BRINP1: variants seen among roughly 807,000 people sequenced by gnomAD.
BRINP1 encodes BMP/retinoic acid inducible neural specific 1.
BRINP1 carries 17 observed loss-of-function variants against 72.9 expected under a neutral mutation model. The ratio of observed to expected loss-of-function variants is 0.23; its 90% confidence interval spans 0.16 to 0.35. The LOEUF is 0.35. BRINP1 is among the 10% of genes least tolerant of loss of function. The pLI is 1.00. For missense variants in BRINP1, 850 were observed against 1,001.6 expected (o/e 0.85, Z 2.04); for synonymous variants, 418 against 378.5 (o/e 1.10, Z -1.21).
chr9:119,238,491 C>T lies in BRINP1; in HGVS notation c.685+164G>A, dbSNP rs923367320. On this transcript the variant is annotated intron_variant, in intron 5 of 7. Transcript: ENST00000265922. ...AAAATTCTAAATATATATGTATACA[C>T]GGTATCATAACTGTCTAATTTCCAT... Among the ~76,000 whole-genome samples the T allele has an allele frequency of 8.5e-5, 13 of 152,230 alleles. No individual in the cohort carries two copies. In the East Asian group the frequency reaches 1.2e-3, roughly 14 times the overall value.
intron 5 of BRINP1, among the ~76,000 whole-genome samples, chr9:119,219,587 G>A (rs1830016445): frequency 6.6e-6 from 1 of 151,014 alleles, no homozygotes; most frequent in Admixed American, 6.6e-5. Context: ...CAGCTGTGCT[G>A]TGGATACTAG....
rs576176689 is a variant in BRINP1, at chr9:119,204,839, C to T, written c.1145+3880G>A. Among the ~76,000 whole-genome samples the T allele has an allele frequency of 1.4e-4, 22 of 152,316 alleles. No individual in the cohort carries two copies. The South Asian group carries it at 2.7e-3, about 19-fold the overall frequency. Reference sequence around the variant, plus strand: ...TCTGGTAAGTGATGGAGCCAGGATTCGGACCAGTCCATGTGTGGCTAAGGC... The same window carrying T: ...TCTGGTAAGTGATGGAGCCAGGATTTGGACCAGTCCATGTGTGGCTAAGGC... On this transcript the variant is annotated intron_variant, in intron 7 of 7. Transcript: ENST00000265922.
At chr9:119,168,359 G>T in intron 7 of BRINP1, 135 bp from the exon 8 acceptor site, 1 of 638,844 alleles carries the variant, frequency 1.6e-6, no homozygotes. Flanking sequence ...AATACAGGAA[G>T]GGCATCGAAT....
At chr9:119,268,930 C>T (rs531670180) in intron 2 of BRINP1, among the ~76,000 whole-genome samples, 1 of 152,128 alleles carries the variant, frequency 6.6e-6, no homozygotes, top group Non-Finnish European at 1.5e-5. Flanking sequence ...ATGAAAGGCA[C>T]TAAAATGTAG....
intron 2 of BRINP1, among the ~76,000 whole-genome samples, chr9:119,262,972 G>A (rs536783104): frequency 4.3e-4 from 66 of 152,274 alleles, no homozygotes; most frequent in Middle Eastern, 3.4e-3. Flanking sequence ...ACATTTTGCC[G>A]GAGGAAGTAC....
intron 7 of BRINP1, among the ~76,000 whole-genome samples, chr9:119,173,352 A>G (rs1408447301): frequency 6.8e-6 from 1 of 146,224 alleles, no homozygotes; most frequent in Admixed American, 6.9e-5. Flanking sequence ...ACAAACAGAG[A>G]GCCAAATCAT....
intron 1 of BRINP1, among the ~76,000 whole-genome samples, chr9:119,315,484 T>C (rs1162454560): frequency 6.6e-6 from 1 of 152,164 alleles, no homozygotes; most frequent in Non-Finnish European, 1.5e-5. Context: ...ACTGACTAGC[T>C]ATTCCCTTTC....
intron 2 of BRINP1, among the ~76,000 whole-genome samples, chr9:119,274,884 G>T (rs941138949): frequency 2.6e-5 from 4 of 152,004 alleles, no homozygotes; most frequent in African/African-American, 9.7e-5. Flanking sequence ...ACACATATAT[G>T]ATATATACAA....
Position 119,250,153 on chromosome 9 carries a change from G to A in BRINP1, c.219-1003C>T, listed in dbSNP as rs530342639. ...GGGAGGGAGGGAGGGAAGGAGGGAG[G>A]GAGGGTGAGAAGGAGGATATATAAT... On this transcript the variant is annotated intron_variant, in intron 2 of 7. Transcript: ENST00000265922. Among the ~76,000 whole-genome samples, 29 of 150,648 alleles carry A rather than the reference G, an allele frequency of 1.9e-4. 1 individual carries two copies. The highest frequency in any genetic ancestry group is 1.7e-3 in the South Asian group (8 of 4,722).
chr9:119,187,171 G>C (rs1365988585), intron 7 of BRINP1, among the ~76,000 whole-genome samples: 2 of 151,660 alleles, frequency 1.3e-5, no homozygotes, highest in African/African-American at 4.8e-5. Flanking sequence ...CATGTCACAT[G>C]GGCCACAGTA....
chr9:119,339,137 G>C (rs749636382), intron 1 of BRINP1, among the ~76,000 whole-genome samples: 4 of 152,190 alleles, frequency 2.6e-5, no homozygotes, highest in Non-Finnish European at 4.4e-5. Flanking sequence ...TAAAAATCCA[G>C]GTAGTAAATA....
intron 7 of BRINP1, among the ~76,000 whole-genome samples, chr9:119,197,724 C>T (rs1829754710): frequency 6.6e-6 from 1 of 152,184 alleles, no homozygotes; most frequent in Admixed American, 6.5e-5. Context: ...TCTATTTCCA[C>T]CAAGTAACAA....
At chr9:119,200,232 A>G (rs995319846) in intron 7 of BRINP1, among the ~76,000 whole-genome samples, 4 of 152,206 alleles carry the variant, frequency 2.6e-5, no homozygotes, top group African/African-American at 9.6e-5. Flanking sequence ...ATGTGGTAGG[A>G]AGTTATAAGA....
intron 1 of BRINP1, among the ~76,000 whole-genome samples, chr9:119,352,239 C>T (rs1419885796): frequency 6.6e-6 from 1 of 152,196 alleles, no homozygotes; most frequent in African/African-American, 2.4e-5. Flanking sequence ...ATGATTAACA[C>T]AGTGTTATTA....
At chr9:119,220,635 AC>A (rs1422572013) in intron 5 of BRINP1, among the ~76,000 whole-genome samples, 3 of 152,322 alleles carry the variant, frequency 2.0e-5, no homozygotes, top group Non-Finnish European at 2.9e-5. Flanking sequence ...AAATTCAAGA[AC>A]GGGAAAGAAA....
intron 1 of BRINP1, among the ~76,000 whole-genome samples, chr9:119,317,237 G>A (rs1831134280): frequency 6.6e-6 from 1 of 152,264 alleles, no homozygotes; most frequent in Admixed American, 6.5e-5. Context: ...AAGAACATTT[G>A]TGATTCATGG....
intron 5 of BRINP1, among the ~76,000 whole-genome samples, chr9:119,214,586 A>AT (rs1309282821): frequency 9.1e-6 from 1 of 110,378 alleles, no homozygotes; most frequent in African/African-American, 3.0e-5. Flanking sequence ...GCCTGTAGAG[A>AT]TAAAAAAAAA....
intron 3 of BRINP1, among the ~76,000 whole-genome samples, chr9:119,242,628 A>C (rs1830265292): frequency 1.3e-5 from 2 of 148,914 alleles, no homozygotes; most frequent in African/African-American, 5.0e-5. Context: ...CTTTTCCTCT[A>C]CTCTCCCATC....
At chr9:119,277,466 T>C (rs975209870) in intron 2 of BRINP1, among the ~76,000 whole-genome samples, 3 of 152,114 alleles carry the variant, frequency 2.0e-5, no homozygotes, top group Non-Finnish European at 1.5e-5. Context: ...CCCCTGGAAA[T>C]TGGCAAACAC....
Sources: gnomAD v4.1 joint callset for allele counts (sites outside exome capture counted in the v4.1 genomes callset) on GRCh38, gnomAD v4.1.1 for gene constraint, MANE v1.5 for transcripts, NCBI Gene and HGNC (gene_info 2026-07-23, HGNC 2026-07-21) for gene names.